FER: variants seen among roughly 807,000 people sequenced by gnomAD.
FER encodes FER tyrosine kinase, also known as tyrosine-protein kinase Fer.
A neutral mutation model predicts 111.0 loss-of-function variants in FER; 63 were observed. The observed-to-expected ratio is 0.57, with a 90% confidence interval of 0.46 to 0.70. The LOEUF is 0.70. FER is among the 30% of genes least tolerant of loss of function. FER has a pLI of 0.00. For missense variants in FER, 914 were observed against 954.0 expected (o/e 0.96, Z 0.55); for synonymous variants, 327 against 313.9 (o/e 1.04, Z -0.44).
chr5:108,923,234 T>C (rs998111388), intron 10 of FER, among the ~76,000 whole-genome samples: 1 of 152,014 alleles, frequency 6.6e-6, no homozygotes, highest in African/African-American at 2.4e-5. Flanking sequence ...AAATGAGATT[T>C]ATTTTGATGG....
chr5:109,091,543 C>A (rs150761082), intron 16 of FER, among the ~76,000 whole-genome samples: 34 of 152,296 alleles, frequency 2.2e-4, no homozygotes, highest in African/African-American at 8.2e-4. Context: ...AGAGCAATGC[C>A]TAGCAGTCAG....
At chr5:109,141,070 A>C (rs1753472369) in intron 17 of FER, among the ~76,000 whole-genome samples, 1 of 152,130 alleles carries the variant, frequency 6.6e-6, no homozygotes, top group Admixed American at 6.6e-5. Flanking sequence ...TATAAGACTT[A>C]ATGGAGGCCT....
At chr5:109,065,071 A>G in intron 16 of FER, among the ~76,000 whole-genome samples, 1 of 152,196 alleles carries the variant, frequency 6.6e-6, no homozygotes, top group Middle Eastern at 3.2e-3. Flanking sequence ...GAAATAAAAA[A>G]CAAATTTTAC....
At chr5:108,966,519 C>T (rs1208124430) in intron 13 of FER, among the ~76,000 whole-genome samples, 1 of 151,562 alleles carries the variant, frequency 6.6e-6, no homozygotes. Context: ...TCCTGAGTAG[C>T]TGGGATTACA....
chr5:108,891,990 T>C (rs1748153118), intron 9 of FER, among the ~76,000 whole-genome samples: 1 of 152,202 alleles, frequency 6.6e-6, no homozygotes, highest in East Asian at 1.9e-4. Context: ...ACAAAGGACA[T>C]GAACTCATCC....
chr5:108,918,719 C>A (rs554604819), intron 10 of FER, among the ~76,000 whole-genome samples: 2 of 152,090 alleles, frequency 1.3e-5, no homozygotes, highest in South Asian at 4.2e-4. Flanking sequence ...GATCTCCTGA[C>A]CTCATGATCC....
At chr5:108,942,454 A>G (rs1581315618) in intron 10 of FER, among the ~76,000 whole-genome samples, 1 of 152,160 alleles carries the variant, frequency 6.6e-6, no homozygotes, top group South Asian at 2.1e-4. Flanking sequence ...CTTTCTTTTA[A>G]TAAATATTCT....
chr5:108,954,651 T>G, intron 11 of FER, 78 bp from the exon 12 acceptor site: 8 of 1,105,202 alleles, frequency 7.2e-6, no homozygotes, highest in Non-Finnish European at 1.0e-5. Context: ...AAGAAGCCTT[T>G]ATAGTTGCTA....
intron 5 of FER, among the ~76,000 whole-genome samples, chr5:108,867,309 G>C (rs1764162599): frequency 6.6e-6 from 1 of 152,076 alleles, no homozygotes; most frequent in African/African-American, 2.4e-5. Flanking sequence ...TGCTTCCCCA[G>C]ATATGTCCCA....
At chr5:108,763,272 C>A (rs1195358958) in intron 1 of FER, among the ~76,000 whole-genome samples, 1 of 152,182 alleles carries the variant, frequency 6.6e-6, no homozygotes, top group East Asian at 1.9e-4. Context: ...TATATACATA[C>A]ATTAATAGAA....
In FER at chr5:109,047,109, T is replaced by C; in HGVS notation, c.1835T>C (p.Leu612Pro). 1 of 1,562,414 alleles carries C rather than the reference T, an allele frequency of 6.4e-7. No homozygotes were observed. The highest frequency in any genetic ancestry group is 8.7e-7 in the Non-Finnish European group (1 of 1,143,696). ...TATATTTTCATCTCATCTAGAATTC[T>C]CAAGCAATATGATCATCCCAATATT... ...KIKFLQEAKI[L>P]KQYDHPNIVK... The change falls in exon 16 of 20, where the codon CTC becomes CCC. Residue 612 changes from leucine (L) to proline (P), a missense_variant. Leu to Pro is a moderately conservative substitution (Grantham distance 98, BLOSUM62 -3). Coordinates refer to ENST00000281092, the MANE Select transcript of FER (RefSeq NM_005246.4).
intron 17 of FER, among the ~76,000 whole-genome samples, chr5:109,170,246 C>A (rs73779050): frequency 0.18 from 27,073 of 152,040 alleles, 2,554 homozygotes; most frequent in Non-Finnish European, 0.2. Context: ...CCAATATATT[C>A]TTATTCCATA....
chr5:109,186,557 G>A (rs563187710), intron 19 of FER, among the ~76,000 whole-genome samples: 10 of 152,262 alleles, frequency 6.6e-5, no homozygotes, highest in African/African-American at 2.4e-4. Flanking sequence ...TCCCTGTCTG[G>A]CATGACAGCT....
At chr5:109,115,880 C>A (rs1561913592) in intron 17 of FER, among the ~76,000 whole-genome samples, 1 of 152,016 alleles carries the variant, frequency 6.6e-6, no homozygotes, top group Non-Finnish European at 1.5e-5. Context: ...TTTTCTCAAG[C>A]CTTGGTCTAC....
chr5:109,001,098 C>T (rs955877230), intron 13 of FER, among the ~76,000 whole-genome samples: 8 of 151,952 alleles, frequency 5.3e-5, no homozygotes, highest in African/African-American at 1.7e-4. Flanking sequence ...GGTACCATTC[C>T]TTCTGAAACT....
intron 15 of FER, 71 bp from the exon 16 acceptor site, chr5:109,047,033 C>A: frequency 1.2e-6 from 1 of 801,112 alleles, no homozygotes; most frequent in Non-Finnish European, 2.0e-6. Flanking sequence ...AGTTGTAAAC[C>A]CTATTTGTGA....
chr5:108,892,378 T>C lies in FER; in HGVS notation c.1047-5281T>C, dbSNP rs979334978. Among the ~76,000 whole-genome samples the C allele has an allele frequency of 1.4e-3, 206 of 152,332 alleles. 1 individual carries two copies. Among genetic ancestry groups the C allele is most frequent in the Non-Finnish European group, 2.4e-3 (165 of 68,020 alleles). ...CCATTCTAACTGGTGTGAGATGGTA[T>C]CTCATTGTGGTTTTGATTTGCATTT... On this transcript the variant is annotated intron_variant, in intron 9 of 19. Coordinates refer to ENST00000281092, the MANE Select transcript of FER (RefSeq NM_005246.4).
intron 3 of FER, among the ~76,000 whole-genome samples, chr5:108,803,922 C>G (rs1368919916): frequency 6.6e-6 from 1 of 152,020 alleles, no homozygotes; most frequent in African/African-American, 2.4e-5. Flanking sequence ...TTGCTTTGGG[C>G]TGTATGGGCA....
At chr5:109,035,712 T>C (rs368081883) in intron 13 of FER, among the ~76,000 whole-genome samples, 17 of 152,240 alleles carry the variant, frequency 1.1e-4, no homozygotes, top group Admixed American at 7.9e-4. Flanking sequence ...TCCAAATTAT[T>C]TTCCCAAACG....
Sources: allele counts gnomAD v4.1 joint callset (sites outside exome capture counted in the v4.1 genomes callset), GRCh38; gene constraint gnomAD v4.1.1; transcripts MANE v1.5; gene names NCBI Gene and HGNC (gene_info 2026-07-23, HGNC 2026-07-21).